The following COL4A6 variants were observed in gnomAD, a reference collection of about 807,000 sequenced individuals.
The protein encoded by COL4A6 is collagen type IV alpha 6 chain, also known as collagen alpha-6(IV) chain.
Under a neutral mutation model 126.7 loss-of-function variants are expected in COL4A6, and 59 were observed. The observed-to-expected ratio is 0.47, with a 90% confidence interval of 0.38 to 0.58. COL4A6 has a LOEUF of 0.58. Among genes scored for constraint, COL4A6 ranks in the 20% least tolerant of loss-of-function variants. The probability of loss-of-function intolerance (pLI) is 0.00; values close to 1 mark genes in which losing one functional copy is unlikely to be tolerated. For synonymous variants in COL4A6, 547 were observed against 496.6 expected, an observed-to-expected ratio of 1.10 and a Z score of -1.35; for missense variants, 1,285 against 1,337.3, an observed-to-expected ratio of 0.96 and a Z score of 0.61.
chrX:108,293,240 T>C (rs2038225437), intron 3 of COL4A6, among the ~76,000 whole-genome samples: 1 of 111,148 alleles, frequency 9.0e-6, no homozygotes, highest in Non-Finnish European at 1.9e-5. Flanking sequence ...TATGTGACCT[T>C]TGATTTCCTT....
intron 21 of COL4A6, among the ~76,000 whole-genome samples, chrX:108,188,303 G>A (rs930197938): frequency 3.6e-5 from 4 of 112,342 alleles, no homozygotes; most frequent in Non-Finnish European, 5.6e-5. Flanking sequence ...GTGGAAGGAA[G>A]AAATTGTGGA....
chrX:108,179,015 T>A (rs1158664545), intron 26 of COL4A6, among the ~76,000 whole-genome samples, 170 bp from the exon 27 acceptor site: 1 of 112,150 alleles, frequency 8.9e-6, no homozygotes, highest in Admixed American at 9.4e-5. Context: ...TTAGTTATGG[T>A]CACTTTTGGA....
Position 108,203,561 on chromosome X carries a change from C to T in COL4A6, c.781-580G>A, listed in dbSNP as rs148356078. Among the ~76,000 whole-genome samples, 562 of 112,225 alleles carry T rather than the reference C, an allele frequency of 5.0e-3. 3 individuals carry two copies. The highest frequency in any genetic ancestry group is 0.018 in the African/African-American group (545 of 30,961). ...GGGCTTGGAGTTGTTACAGCTTCCA[C>T]GAAGACAAATTTAAAGAAAGGAGAC... On this transcript the variant is annotated intron_variant, in intron 12 of 44. Transcript: ENST00000334504.
intron 3 of COL4A6, among the ~76,000 whole-genome samples, chrX:108,227,611 C>T (rs1311333120): frequency 1.8e-5 from 2 of 111,159 alleles, no homozygotes; most frequent in East Asian, 2.8e-4. Context: ...ACCAATTTGT[C>T]GAAAGAGTTA....
intron 3 of COL4A6, among the ~76,000 whole-genome samples, chrX:108,277,713 C>T (rs936158435): frequency 8.9e-6 from 1 of 112,099 alleles, no homozygotes; most frequent in African/African-American, 3.2e-5. Context: ...ACCCCTGACC[C>T]CCGAGCAGCC....
intron 3 of COL4A6, among the ~76,000 whole-genome samples, chrX:108,289,792 T>G (rs757468888): frequency 8.9e-6 from 1 of 111,826 alleles, no homozygotes; most frequent in Non-Finnish European, 1.9e-5. Context: ...TAATTCTTAT[T>G]GAATTTATAT....
intron 2 of COL4A6, among the ~76,000 whole-genome samples, chrX:108,402,385 C>T (rs1396670511): frequency 2.7e-5 from 3 of 110,934 alleles, no homozygotes; most frequent in Non-Finnish European, 3.8e-5. Flanking sequence ...ATATTATTTG[C>T]GACATTTTTT....
chrX:108,375,444 T>C (rs958224673), intron 2 of COL4A6, among the ~76,000 whole-genome samples: 7 of 111,092 alleles, frequency 6.3e-5, no homozygotes, highest in Non-Finnish European at 1.1e-4. Flanking sequence ...TCAATGAGAG[T>C]TTGGAAACAT....
chrX:108,213,113 T>C (rs759646697), intron 6 of COL4A6, among the ~76,000 whole-genome samples: 2 of 111,948 alleles, frequency 1.8e-5, no homozygotes, highest in East Asian at 5.6e-4. Context: ...TTGTGCTTTG[T>C]CCATCTATCT....
intron 2 of COL4A6, among the ~76,000 whole-genome samples, chrX:108,388,563 C>T (rs1182294735): frequency 9.0e-6 from 1 of 111,147 alleles, no homozygotes; most frequent in African/African-American, 3.3e-5. Flanking sequence ...TTGGTGATAT[C>T]CCCTTTATCA....
chrX:108,240,248 A>G (rs755853028), intron 3 of COL4A6, among the ~76,000 whole-genome samples: 2 of 111,526 alleles, frequency 1.8e-5, no homozygotes, highest in African/African-American at 3.3e-5. Context: ...GTCTCAAAAC[A>G]AAAACAAAAC....
At chrX:108,416,050 T>A (rs73533276) in intron 2 of COL4A6, among the ~76,000 whole-genome samples, 8,305 of 111,862 alleles carry the variant, frequency 0.074, 682 homozygotes, top group African/African-American at 0.23. Flanking sequence ...GGCATGGGTA[T>A]CTTCCTAGCA....
intron 3 of COL4A6, among the ~76,000 whole-genome samples, chrX:108,291,585 G>A (rs955131045): frequency 9.1e-6 from 1 of 109,588 alleles, no homozygotes; most frequent in Non-Finnish European, 1.9e-5. Flanking sequence ...GCTCTGATTA[G>A]TATCTTCACT....
At chrX:108,317,589 T>C (rs1372622622) in intron 2 of COL4A6, among the ~76,000 whole-genome samples, 1 of 112,034 alleles carries the variant, frequency 8.9e-6, no homozygotes, top group African/African-American at 3.2e-5. Context: ...TAATCCATCT[T>C]GAATTAATTT....
intron 29 of COL4A6, 133 bp from the exon 30 acceptor site, chrX:108,175,348 A>C (rs1338200321): frequency 1.4e-5 from 11 of 791,092 alleles, no homozygotes; most frequent in African/African-American, 2.2e-5. Context: ...CCCCACCCCT[A>C]TTCCCCCAAC....
intron 3 of COL4A6, among the ~76,000 whole-genome samples, chrX:108,292,790 T>C (rs1439094462): frequency 9.2e-6 from 1 of 108,446 alleles, no homozygotes; most frequent in Non-Finnish European, 1.9e-5. Flanking sequence ...GCCTCTTGGC[T>C]TACTGCTGCC....
chrX:108,426,256 G>A (rs968806501), intron 2 of COL4A6, among the ~76,000 whole-genome samples: 2 of 111,482 alleles, frequency 1.8e-5, no homozygotes, highest in African/African-American at 6.5e-5. Context: ...AATTCCCTCC[G>A]CAAGAGAAAA....
chrX:108,276,644 C>CT (rs1429515714), intron 3 of COL4A6, among the ~76,000 whole-genome samples: 2 of 111,662 alleles, frequency 1.8e-5, no homozygotes, highest in African/African-American at 6.5e-5. Flanking sequence ...CTGATCTCTC[C>CT]TTTTTTTGAC....
At chrX:108,351,431 ACTCT>A (rs57530249) in intron 2 of COL4A6, among the ~76,000 whole-genome samples, 1,350 of 92,635 alleles carry the variant, frequency 0.015, 29 homozygotes, top group African/African-American at 0.049. Context: ...AAAGGAGGTA[ACTCT>A]CTCTCTCTGT....
Sources: allele counts gnomAD v4.1 joint callset (sites outside exome capture counted in the v4.1 genomes callset), GRCh38; gene constraint gnomAD v4.1.1; transcripts MANE v1.5; gene names NCBI Gene and HGNC (gene_info 2026-07-23, HGNC 2026-07-21).